The following CLCN6 variants were observed in gnomAD, a reference collection of about 807,000 sequenced individuals.
The protein encoded by CLCN6 is H(+)/Cl(-) exchange transporter 6.
In CLCN6, 70 loss-of-function variants were observed where a neutral mutation model predicts 109.8. The observed-to-expected ratio is 0.64, with a 90% CI of 0.53 to 0.78. The LOEUF is 0.78. Among genes scored for constraint, CLCN6 ranks in the 30% least tolerant of loss-of-function variants. The probability of loss-of-function intolerance (pLI) is 0.00; values close to 1 mark genes in which losing one functional copy is unlikely to be tolerated. For synonymous variants in CLCN6, 444 were observed against 447.8 expected, an observed-to-expected ratio of 0.99 and a Z score of 0.11; for missense variants, 984 against 1,142.3, an observed-to-expected ratio of 0.86 and a Z score of 2.00.
At chr1:11,820,416 G>A in intron 5 of CLCN6, 1 of 713,826 alleles carries the variant, frequency 1.4e-6, no homozygotes, top group East Asian at 2.7e-5. Flanking sequence ...GAGACTATAT[G>A]TTGTCAAGAG....
intron 8 of CLCN6, 65 bp from the exon 9 acceptor site, chr1:11,826,090 TG>T (rs1176852897): frequency 1.8e-6 from 2 of 1,106,164 alleles, no homozygotes; most frequent in African/African-American, 1.6e-5. Context: ...CCATAATTAC[TG>T]GGGTACAGGT....
Position 11,823,695 on chromosome 1 carries a change from C to T in CLCN6, c.454-12C>T, listed in dbSNP as rs1644775039. ...ATTTCGAGTTATGGGTGTGCCTGCT[C>T]TCCTCCATCAGCCGGTGGCAGCAGG... On this transcript the variant is annotated splice_polypyrimidine_tract_variant and intron_variant, in intron 6 of 22. Coordinates refer to ENST00000346436, the MANE Select transcript of CLCN6 (RefSeq NM_001286.5). 5 of 1,614,092 alleles carry T rather than the reference C, an allele frequency of 3.1e-6. No homozygotes were observed. The highest frequency in any genetic ancestry group is 3.3e-5 in the Admixed American group (2 of 60,024).
rs1486892409 is a variant in CLCN6, at chr1:11,815,759, C to G, written c.148-87C>G. 7.1e-6 allele frequency: 7 copies of G among 986,760 alleles called. No homozygotes were observed. The African/African-American group carries it at 1.1e-4, about 16-fold the overall frequency. 61.1% of individuals were successfully genotyped at this position (986,760 alleles called of 1,614,324 possible). On this transcript the variant is annotated intron_variant, in intron 2 of 22. Coordinates refer to ENST00000346436, the MANE Select transcript of CLCN6 (RefSeq NM_001286.5). ...GGTACCACTGCTCTGCCCATCCACA[C>G]GTTGAGTAGCAGGAACCCAGAGGTT...
At chr1:11,820,254 A>G in intron 5 of CLCN6, 1 of 633,512 alleles carries the variant, frequency 1.6e-6, no homozygotes, top group Non-Finnish European at 2.9e-6. Flanking sequence ...ATGCACCATG[A>G]CTGTGCCTGG....
intron 10 of CLCN6, 94 bp downstream of exon 10, chr1:11,827,315 C>CG (rs1644825300): frequency 3.3e-6 from 4 of 1,196,908 alleles, no homozygotes; most frequent in East Asian, 3.0e-5. Flanking sequence ...TTTGATGAGA[C>CG]TGGGGGGTCA....
intron 2 of CLCN6, among the ~76,000 whole-genome samples, chr1:11,813,716 C>G (rs1644633033): frequency 6.6e-6 from 1 of 152,168 alleles, no homozygotes; most frequent in Admixed American, 6.5e-5. Flanking sequence ...TATAAAAAAG[C>G]ACACCATTTG....
At chr1:11,810,188 T>C (rs1203813867) in intron 2 of CLCN6, among the ~76,000 whole-genome samples, 1 of 152,214 alleles carries the variant, frequency 6.6e-6, no homozygotes, top group Non-Finnish European at 1.5e-5. Context: ...TCTTCCTGTC[T>C]CAGGAAGAGT....
chr1:11,836,184 G>A, intron 18 of CLCN6, 31 bp downstream of exon 18: 2 of 1,597,996 alleles, frequency 1.3e-6, no homozygotes, highest in Non-Finnish European at 1.7e-6. Flanking sequence ...GGAAAGGCAG[G>A]TGAGAGACAA....
At position 11,812,878 on chromosome 1, in the gene CLCN6, T is replaced by G. The variant is rs377651187; in HGVS notation, c.148-2968T>G. On this transcript the variant is annotated intron_variant, in intron 2 of 22. Coordinates refer to ENST00000346436, the MANE Select transcript of CLCN6 (RefSeq NM_001286.5). ...CAGAGAGGAACACAGTTGTCTTTGA[T>G]CCCTTTCCTGAAATGTCATTAACCA... Among the ~76,000 whole-genome samples the G allele has an allele frequency of 4.0e-4, 61 of 152,232 alleles. 3 individuals are homozygous for G. The South Asian group carries it at 0.013, about 32-fold the overall frequency.
At chr1:11,808,043 G>C (rs967176707) in intron 2 of CLCN6, among the ~76,000 whole-genome samples, 1 of 151,738 alleles carries the variant, frequency 6.6e-6, no homozygotes, top group Non-Finnish European at 1.5e-5. Flanking sequence ...GCACTTTTTT[G>C]TTTAACTTTT....
Position 11,819,499 on chromosome 1 carries a change from T to C in CLCN6, c.291T>C (p.Phe97=), listed in dbSNP as rs776926711. The C allele has an allele frequency of 5.4e-5, 87 of 1,614,084 alleles. 1 individual carries two copies. The Admixed American group carries it at 1.4e-3, about 26-fold the overall frequency. Residue 97 remains phenylalanine (F), a synonymous_variant, in exon 5 of 23, where the codon TTT becomes TTC. Coordinates refer to ENST00000346436, the MANE Select transcript of CLCN6 (RefSeq NM_001286.5). ...IGVCTGLVGL[F]VDFFVRLFTQ... Reference sequence around the variant, plus strand: ...CTTGCTCTTCACAGGTGGGTCTCTTTGTGGACTTTTTTGTGCGACTCTTCA... The same window carrying C: ...CTTGCTCTTCACAGGTGGGTCTCTTCGTGGACTTTTTTGTGCGACTCTTCA...
intron 10 of CLCN6, among the ~76,000 whole-genome samples, chr1:11,827,504 C>T (rs1035483197): frequency 3.5e-5 from 5 of 143,916 alleles, no homozygotes; most frequent in Admixed American, 7.2e-5. Context: ...GACGCGATCT[C>T]GGCTTACTGC....
In CLCN6 at chr1:11,841,331, C is replaced by T. The variant is rs1645020146; in HGVS notation, c.*1108C>T. On this transcript the variant is annotated 3_prime_UTR_variant, in exon 23 of 23. Coordinates refer to ENST00000346436, the MANE Select transcript of CLCN6 (RefSeq NM_001286.5). ...ATACAGAGGCCCTTCAGGAGGGCCT[C>T]CTGTGCCGCAGGGAGGGTGCGTGGG... The T allele has an allele frequency of 6.6e-6, 1 of 152,654 alleles. No individual in the cohort carries two copies. The highest frequency in any genetic ancestry group is 2.4e-5 in the African/African-American group (1 of 41,470). 9.5% of individuals were successfully genotyped at this position (152,654 alleles called of 1,614,324 possible). A position where few individuals can be genotyped will look rare whatever the true frequency, so the allele number is the denominator to read the frequency against.
rs370967685 is a variant in CLCN6, at chr1:11,816,618, G to A, written c.217G>A (p.Gly73Ser). 166 of 1,612,676 alleles carry A rather than the reference G, an allele frequency of 1.0e-4. No homozygotes were observed. The highest frequency in any genetic ancestry group is 1.3e-4 in the Non-Finnish European group (154 of 1,179,296). Reference protein sequence around the residue: ...EVLETMDNKKGRRYEAVKWMV... With the variant: ...EVLETMDNKKSRRYEAVKWMV... ...CATTCTTTTCCTGTGTGAACAGAAA[G>A]GTCGAAGATATGAGGCGGTGAAGTG... is the stretch of plus-strand genomic sequence containing the variant. The change falls in exon 4 of 23, where the codon GGT becomes AGT. Residue 73 changes from glycine to serine, a missense_variant. Physicochemically the swap from Gly to Ser is moderately conservative, Grantham distance 56. Transcript: ENST00000346436.
At chr1:11,814,285 G>A (rs576709333) in intron 2 of CLCN6, among the ~76,000 whole-genome samples, 7 of 130,030 alleles carry the variant, frequency 5.4e-5, no homozygotes, top group Non-Finnish European at 9.6e-5. Context: ...TCACTTTGTT[G>A]CCCAGGCTGG....
rs1644941072 is a variant in CLCN6 at position 11,836,124 on chromosome 1, C to T, written c.1951C>T (p.Gln651Ter). 6.2e-7 allele frequency: 1 copy of T among 1,612,998 alleles called. No individual in the cohort carries two copies. The highest frequency in any genetic ancestry group is 1.3e-5 in the African/African-American group (1 of 74,808). The change falls in exon 18 of 23, where the codon CAG becomes TAG. Residue 651 changes from glutamine (Q) to a stop codon, truncating the protein, a stop_gained. Coordinates refer to ENST00000346436, the MANE Select transcript of CLCN6 (RefSeq NM_001286.5). LOFTEE classifies it high-confidence loss of function. ...CGAGAAGGAGTTCATGAAGGGCAACCAGCTCATCAGCAACAACATCAAGTT... is the reference window on the plus strand; with the variant it reads ...CGAGAAGGAGTTCATGAAGGGCAACTAGCTCATCAGCAACAACATCAAGTT... ...GNEKEFMKGN[Q>*]LISNNIKFKK...
chr1:11,823,597 G>A (rs1214473368), intron 6 of CLCN6, 110 bp from the exon 7 acceptor site: 8 of 1,440,544 alleles, frequency 5.6e-6, no homozygotes, highest in South Asian at 5.1e-5. Context: ...TGACGCTCAC[G>A]CTGCTAATGA....
Position 11,838,982 on chromosome 1 carries a change from C to T in CLCN6, c.2529+322C>T, listed in dbSNP as rs754860753. On this transcript the variant is annotated intron_variant, in intron 22 of 22. Coordinates refer to ENST00000346436, the MANE Select transcript of CLCN6 (RefSeq NM_001286.5). ...GGTTCTCCACCTGCGTAGGGATTTGCGCATTAGATGAGAGAATTTCAAGCA... is the reference window on the plus strand; with the variant it reads ...GGTTCTCCACCTGCGTAGGGATTTGTGCATTAGATGAGAGAATTTCAAGCA... The T allele has an allele frequency of 1.4e-5, 10 of 690,316 alleles. No individual in the cohort carries two copies. The East Asian group carries it at 1.6e-4, about 11-fold the overall frequency. 42.8% of individuals were successfully genotyped at this position (690,316 alleles called of 1,614,324 possible). A position where few individuals can be genotyped will look rare whatever the true frequency, so the allele number is the denominator to read the frequency against.
At chr1:11,826,638 C>A (rs2100638483) in intron 9 of CLCN6, among the ~76,000 whole-genome samples, 1 of 152,352 alleles carries the variant, frequency 6.6e-6, no homozygotes, top group Non-Finnish European at 1.5e-5. Context: ...CTCTTTCAAT[C>A]AGAGACTCAG....
Sources: allele counts gnomAD v4.1 joint callset (sites outside exome capture counted in the v4.1 genomes callset), GRCh38; gene constraint gnomAD v4.1.1; transcripts MANE v1.5; gene names NCBI Gene and HGNC (gene_info 2026-07-23, HGNC 2026-07-21).